SGCZ: variants seen among roughly 807,000 people sequenced by gnomAD.
SGCZ encodes zeta-sarcoglycan.
In SGCZ, 40 loss-of-function variants were observed where a neutral mutation model predicts 41.3. The observed-to-expected ratio is 0.97, with a 90% confidence interval of 0.75 to 1.26. The LOEUF is 1.26. Ranked by LOEUF, SGCZ falls within the 50% of genes most tolerant of loss-of-function variation. SGCZ has a pLI of 0.00. For missense variants in SGCZ, 552 were observed against 369.8 expected, an observed-to-expected ratio of 1.49 and a Z score of -4.04; for synonymous variants, 206 against 137.5, an observed-to-expected ratio of 1.50 and a Z score of -3.49.
chr8:14,885,328 G>T (rs1004401580), intron 1 of SGCZ, among the ~76,000 whole-genome samples: 2 of 152,140 alleles, frequency 1.3e-5, no homozygotes. Context: ...TACGGTTCTG[G>T]TTAGAGTAGT....
chr8:14,301,537 A>G (rs772309821), intron 3 of SGCZ, among the ~76,000 whole-genome samples: 2 of 152,108 alleles, frequency 1.3e-5, no homozygotes, highest in African/African-American at 4.8e-5. Context: ...CAAAATTTCA[A>G]CCTTACAAAT....
chr8:15,059,815 C>T (rs910938086), intron 1 of SGCZ, among the ~76,000 whole-genome samples: 1 of 152,168 alleles, frequency 6.6e-6, no homozygotes, highest in East Asian at 1.9e-4. Context: ...CAAGAACTCC[C>T]GGTTAATGCC....
At chr8:14,988,917 G>A (rs974854334) in intron 1 of SGCZ, among the ~76,000 whole-genome samples, 2 of 152,128 alleles carry the variant, frequency 1.3e-5, no homozygotes, top group Admixed American at 6.5e-5. Context: ...GGGAGGGGGG[G>A]CATTGATTAC....
chr8:14,634,269 G>T (rs1806754883), intron 1 of SGCZ, among the ~76,000 whole-genome samples: 1 of 151,654 alleles, frequency 6.6e-6, no homozygotes, highest in African/African-American at 2.4e-5. Flanking sequence ...TTTTGAATTG[G>T]GGGGAAAACA....
rs1272609839 is a variant in SGCZ, at chr8:14,279,195, G to A, written c.337-41516C>T. Among the ~76,000 whole-genome samples, 3 of 151,928 alleles carry A rather than the reference G, an allele frequency of 2.0e-5. 1 individual carries two copies. The South Asian group carries it at 6.2e-4, about 31-fold the overall frequency. ...AATAGGTCCCTGAGGAGCAAGGGGG[G>A]AAAGGGGAAAAGTAGAGTTTACTTT... On this transcript the variant is annotated intron_variant, in intron 3 of 7. Coordinates refer to ENST00000382080, the MANE Select transcript of SGCZ (RefSeq NM_139167.4).
chr8:14,470,583 T>C (rs1433260271), intron 2 of SGCZ, among the ~76,000 whole-genome samples: 1 of 152,118 alleles, frequency 6.6e-6, no homozygotes, highest in African/African-American at 2.4e-5. Context: ...AAAAATCATG[T>C]TTAGGAAATG....
At chr8:14,876,614 C>T (rs368821049) in intron 1 of SGCZ, among the ~76,000 whole-genome samples, 84 of 152,190 alleles carry the variant, frequency 5.5e-4, no homozygotes, top group African/African-American at 1.1e-3. Context: ...AGCTCTAAAA[C>T]GAAGTAATAT....
At chr8:14,439,992 T>G (rs1293554136) in intron 2 of SGCZ, among the ~76,000 whole-genome samples, 2 of 151,910 alleles carry the variant, frequency 1.3e-5, no homozygotes, top group African/African-American at 4.8e-5. Flanking sequence ...CAAAAAAAAT[T>G]TTAACTAAAA....
intron 2 of SGCZ, among the ~76,000 whole-genome samples, chr8:14,409,184 A>T (rs1292898412): frequency 6.6e-6 from 1 of 152,032 alleles, no homozygotes; most frequent in African/African-American, 2.4e-5. Context: ...TATAACCAAC[A>T]CGTTATTTAT....
intron 1 of SGCZ, among the ~76,000 whole-genome samples, chr8:14,921,605 A>C (rs1316495736): frequency 2.0e-5 from 3 of 152,122 alleles, no homozygotes; most frequent in East Asian, 1.9e-4. Flanking sequence ...AACTCCAATC[A>C]GCCATCGGAA....
intron 4 of SGCZ, among the ~76,000 whole-genome samples, chr8:14,185,470 T>C (rs2035202): frequency 0.19 from 28,699 of 152,130 alleles, 3,599 homozygotes; most frequent in Non-Finnish European, 0.28. Flanking sequence ...TCAGCTTCAA[T>C]TGATCTAATC....
chr8:14,290,210 C>A (rs890674559), intron 3 of SGCZ, among the ~76,000 whole-genome samples: 2 of 151,986 alleles, frequency 1.3e-5, no homozygotes, highest in African/African-American at 4.8e-5. Flanking sequence ...AAGCCTTAAA[C>A]GTAAGACTCA....
chr8:14,566,889 C>T (rs1364791189), intron 1 of SGCZ, among the ~76,000 whole-genome samples: 2 of 152,124 alleles, frequency 1.3e-5, no homozygotes, highest in African/African-American at 2.4e-5. Flanking sequence ...TCCAGGTGGG[C>T]GGCTGTGGGC....
intron 2 of SGCZ, among the ~76,000 whole-genome samples, chr8:14,349,072 A>C (rs1802996342): frequency 6.6e-6 from 1 of 152,122 alleles, no homozygotes; most frequent in African/African-American, 2.4e-5. Flanking sequence ...CTTAGAGACA[A>C]CATTGTAAAT....
intron 2 of SGCZ, among the ~76,000 whole-genome samples, chr8:14,332,340 T>C (rs182152445): frequency 4.0e-5 from 6 of 151,812 alleles, no homozygotes; most frequent in East Asian, 3.9e-4. Flanking sequence ...ACTCAGGAGG[T>C]TGGGGCAGGA....
At chr8:14,226,820 CAGG>C (rs1183479113) in intron 4 of SGCZ, among the ~76,000 whole-genome samples, 2 of 152,066 alleles carry the variant, frequency 1.3e-5, no homozygotes, top group Admixed American at 6.6e-5. Context: ...TTCCTAGCAG[CAGG>C]AGTATAAAAG....
chr8:15,031,868 C>T (rs1322881773), intron 1 of SGCZ, among the ~76,000 whole-genome samples: 1 of 148,816 alleles, frequency 6.7e-6, no homozygotes, highest in Admixed American at 6.7e-5. Context: ...ATAACTCTAA[C>T]TCTATACTCT....
At chr8:14,459,273 A>G (rs1226286379) in intron 2 of SGCZ, among the ~76,000 whole-genome samples, 1 of 151,166 alleles carries the variant, frequency 6.6e-6, no homozygotes, top group African/African-American at 2.4e-5. Flanking sequence ...GTTGTGGGGT[A>G]GGGGGATGGG....
At chr8:15,187,529 G>A (rs1290578722) in intron 1 of SGCZ, among the ~76,000 whole-genome samples, 1 of 151,922 alleles carries the variant, frequency 6.6e-6, no homozygotes, top group Non-Finnish European at 1.5e-5. Flanking sequence ...CTCTTTTACT[G>A]CATGAGTTAA....
Sources: allele counts gnomAD v4.1 joint callset (sites outside exome capture counted in the v4.1 genomes callset), GRCh38; gene constraint gnomAD v4.1.1; transcripts MANE v1.5; gene names NCBI Gene and HGNC (gene_info 2026-07-23, HGNC 2026-07-21).